The following PDK1 variants were observed in gnomAD, a reference collection of about 807,000 sequenced individuals.
PDK1 encodes [Pyruvate dehydrogenase (acetyl-transferring)] kinase isozyme 1, mitochondrial.
In PDK1, 39 loss-of-function variants were observed where a neutral mutation model predicts 54.2. The observed-to-expected ratio is 0.72, with a 90% CI of 0.56 to 0.94. The LOEUF (loss-of-function observed/expected upper bound fraction) is 0.94, where lower values mean the gene tolerates loss of function less well. Ranked by LOEUF, PDK1 falls within the 40% of genes least tolerant of loss-of-function variation. The probability of loss-of-function intolerance (pLI) is 0.00; values close to 1 mark genes in which losing one functional copy is unlikely to be tolerated. For missense variants in PDK1, 552 were observed against 566.0 expected (o/e 0.98, Z 0.25); for synonymous variants, 221 against 207.1 (o/e 1.07, Z -0.58).
intron 2 of PDK1, 121 bp from the exon 3 acceptor site, chr2:172,562,099 T>C: frequency 1.7e-6 from 1 of 591,898 alleles, no homozygotes. Flanking sequence ...CAACCATAAT[T>C]TATAGCAGTA....
chr2:172,641,922 G>C, the PDK1 span, among the ~76,000 whole-genome samples: 1 of 152,160 alleles, frequency 6.6e-6, no homozygotes, highest in Non-Finnish European at 1.5e-5. Flanking sequence ...ACTGAGAGAC[G>C]GGAGGGCAGA....
the PDK1 span, among the ~76,000 whole-genome samples, chr2:172,652,839 G>A: frequency 5.3e-5 from 8 of 152,128 alleles, no homozygotes; most frequent in Non-Finnish European, 8.8e-5. Flanking sequence ...ACAAATGGAA[G>A]GACATTCCAT....
At chr2:172,648,926 A>T in the PDK1 span, among the ~76,000 whole-genome samples, 3 of 152,366 alleles carry the variant, frequency 2.0e-5, no homozygotes, top group South Asian at 6.2e-4. Context: ...GCTGAACAAA[A>T]GGCAGCAGAA....
At chr2:172,669,071 T>C in the PDK1 span, among the ~76,000 whole-genome samples, 1 of 140,702 alleles carries the variant, frequency 7.1e-6, no homozygotes, top group Non-Finnish European at 1.5e-5. Flanking sequence ...TTTTTTTTTT[T>C]TTTTTTGAGA....
At chr2:172,619,674 C>A in the PDK1 span, among the ~76,000 whole-genome samples, 1 of 152,252 alleles carries the variant, frequency 6.6e-6, no homozygotes, top group African/African-American at 2.4e-5. Flanking sequence ...GCCACAATTA[C>A]ACCCAAGGAT....
chr2:172,696,172 CAAA>C, the PDK1 span, among the ~76,000 whole-genome samples: 1 of 121,956 alleles, frequency 8.2e-6, no homozygotes, highest in Admixed American at 9.1e-5. Context: ...AACTCTGTCT[CAAA>C]AAAAAAAAAA....
chr2:172,580,029 C>G (rs958840210), intron 8 of PDK1, among the ~76,000 whole-genome samples: 6 of 151,786 alleles, frequency 4.0e-5, no homozygotes, highest in African/African-American at 1.5e-4. Context: ...AAAATTAATC[C>G]CTTTTTAGAA....
rs1690861613 is a variant in PDK1, at chr2:172,595,859, C to G, written c.1201C>G (p.Pro401Ala). Residue 401 changes from proline to alanine, a missense_variant, in exon 11 of 11, where the codon CCA becomes GCA. Transcript: ENST00000282077. ...GTCAACAGACTCAATAGAAAGACTC[C>G]CAGTGTATAACAAAGCTGCCTGGAA... The part of the protein sequence containing the change: ...ALSTDSIERL[P>A]VYNKAAWKHY... 6.2e-7 allele frequency: 1 copy of G among 1,613,662 alleles called. No homozygotes were observed. Among genetic ancestry groups the G allele is most frequent in the Non-Finnish European group, 8.5e-7 (1 of 1,179,714 alleles).
chr2:172,593,154 A>G (rs1690697800), intron 10 of PDK1, 106 bp downstream of exon 10: 1 of 559,750 alleles, frequency 1.8e-6, no homozygotes, highest in Non-Finnish European at 3.2e-6. Context: ...GTTTAAATAG[A>G]AAAAAACTAT....
chr2:172,564,885 G>A lies in PDK1; in HGVS notation c.596-93G>A, dbSNP rs150201631. On this transcript the variant is annotated intron_variant, in intron 4 of 10. Coordinates refer to ENST00000282077, the MANE Select transcript of PDK1 (RefSeq NM_002610.5). ...ATGTTTATCCTAAAGGAAAATATTT[G>A]TTCTGTTTGGTACAATTTAAACAGT... is the stretch of plus-strand genomic sequence containing the variant. 6.6e-4 allele frequency: 635 copies of A among 962,218 alleles called. 5 individuals are homozygous for A. In the African/African-American group the frequency reaches 9.7e-3, roughly 15 times the overall value. 59.6% of individuals were successfully genotyped at this position (962,218 alleles called of 1,614,324 possible).
At position 172,556,752 on chromosome 2, in the gene PDK1, A is replaced by T. The variant is rs75632562; in HGVS notation, c.196+406A>T. 7.7e-3 allele frequency: 1,251 copies of T among 161,726 alleles called. 14 individuals carry two copies. Among genetic ancestry groups the T allele is most frequent in the African/African-American group, 0.028 (1,174 of 41,838 alleles). 10.0% of individuals were successfully genotyped at this position (161,726 alleles called of 1,614,324 possible). A position where few individuals can be genotyped will look rare whatever the true frequency, so the allele number is the denominator to read the frequency against. On this transcript the variant is annotated intron_variant, in intron 1 of 10. Coordinates refer to ENST00000282077, the MANE Select transcript of PDK1 (RefSeq NM_002610.5). ...TGAATGCCCAGTTTTGCATATGATGATTGCATAGAATTGGCGTGATAATAG... is the reference window on the plus strand; with the variant it reads ...TGAATGCCCAGTTTTGCATATGATGTTTGCATAGAATTGGCGTGATAATAG...
chr2:172,564,110 C>A, intron 3 of PDK1: 1 of 473,588 alleles, frequency 2.1e-6, no homozygotes, highest in South Asian at 1.5e-5. Flanking sequence ...CCTTGCAGAG[C>A]AGAGCAGGTG....
chr2:172,701,847 T>C, the PDK1 span, among the ~76,000 whole-genome samples: 1 of 152,196 alleles, frequency 6.6e-6, no homozygotes, highest in Non-Finnish European at 1.5e-5. Flanking sequence ...ACAGTTCATT[T>C]AGATGTACTT....
chr2:172,594,453 C>T (rs1690782673), intron 10 of PDK1, among the ~76,000 whole-genome samples: 1 of 152,114 alleles, frequency 6.6e-6, no homozygotes, highest in Non-Finnish European at 1.5e-5. Context: ...CTAATGATAG[C>T]TGATGAGCTT....
Position 172,556,226 on chromosome 2 carries a change from CGCAGCTTCAGCT to C in PDK1, c.77_88del (p.Arg26_Ser30delinsPro). ...GGGGCTGCGCGCCGCCGGCTTCAGC[CGCAGCTTCAGCT>C]CGGACTCGGGCTCCAGCCCGGCGTC... On this transcript the variant is annotated inframe_deletion, in exon 1 of 11. Transcript: ENST00000282077. 2 of 1,437,826 alleles carry C rather than the reference CGCAGCTTCAGCT, an allele frequency of 1.4e-6. No individual in the cohort carries two copies. Among genetic ancestry groups the C allele is most frequent in the Non-Finnish European group, 1.8e-6 (2 of 1,102,406 alleles). 89.1% of individuals were successfully genotyped at this position (1,437,826 alleles called of 1,614,324 possible).
chr2:172,666,656 G>C, the PDK1 span, among the ~76,000 whole-genome samples: 1 of 152,176 alleles, frequency 6.6e-6, no homozygotes. Flanking sequence ...AGGTGACTCA[G>C]GGTGACTAAG....
At chr2:172,583,975 A>C (rs1690068507) in intron 8 of PDK1, among the ~76,000 whole-genome samples, 1 of 152,218 alleles carries the variant, frequency 6.6e-6, no homozygotes, top group Non-Finnish European at 1.5e-5. Context: ...GCTGGATAGT[A>C]GCTAGGAAAA....
chr2:172,638,088 C>G, the PDK1 span, among the ~76,000 whole-genome samples: 2 of 152,114 alleles, frequency 1.3e-5, no homozygotes, highest in Non-Finnish European at 2.9e-5. Flanking sequence ...GGTTGATTTT[C>G]ATAATTGCTA....
chr2:172,576,845 C>T (rs1033269940), intron 8 of PDK1, among the ~76,000 whole-genome samples: 1 of 152,134 alleles, frequency 6.6e-6, no homozygotes, highest in Non-Finnish European at 1.5e-5. Flanking sequence ...TTCAAGTATA[C>T]ATCTATTGAG....
Sources: gnomAD v4.1 joint callset for allele counts (sites outside exome capture counted in the v4.1 genomes callset) on GRCh38, gnomAD v4.1.1 for gene constraint, MANE v1.5 for transcripts, NCBI Gene and HGNC (gene_info 2026-07-23, HGNC 2026-07-21) for gene names.